The following IPO8 variants were observed in gnomAD, a reference collection of about 807,000 sequenced individuals.
IPO8 encodes the protein importin 8, also known as importin-8.
A neutral mutation model predicts 141.2 loss-of-function variants in IPO8; 65 were observed. The ratio of observed to expected loss-of-function variants is 0.46; its 90% CI spans 0.38 to 0.57. IPO8 has a LOEUF of 0.57. Ranked by LOEUF, IPO8 falls within the 20% of genes least tolerant of loss-of-function variation. The pLI, the probability that IPO8 is intolerant of heterozygous loss-of-function variation, is 0.00. For synonymous variants in IPO8, 411 were observed against 420.3 expected (o/e 0.98, Z 0.27); for missense variants, 980 against 1,246.8 (o/e 0.79, Z 3.22).
In IPO8 at chr12:30,695,254, G is replaced by C; in HGVS notation, c.84+310C>G. ...ACTTAAGGAAAATAAATCACACCCT[G>C]AAAACACTAGCACAGGTTGCAAAAA... On this transcript the variant is annotated intron_variant, in intron 1 of 24. Transcript: ENST00000256079. This position sits in a 1 kb window ranked among gnomAD's most constrained non-coding sequence, Gnocchi z 4.2. 1 of 519,848 alleles carries C rather than the reference G, an allele frequency of 1.9e-6. No individual in the cohort carries two copies. Among genetic ancestry groups the C allele is most frequent in the South Asian group, 2.1e-5 (1 of 48,050 alleles). 32.2% of individuals were successfully genotyped at this position (519,848 alleles called of 1,614,324 possible). A position where few individuals can be genotyped will look rare whatever the true frequency, so the allele number is the denominator to read the frequency against.
At chr12:30,652,897 A>C in intron 18 of IPO8, 70 bp downstream of exon 18, 1 of 1,337,954 alleles carries the variant, frequency 7.5e-7, no homozygotes, top group Non-Finnish European at 1.0e-6. Flanking sequence ...ATGTGTTTTT[A>C]TTTCAGGTGT....
intron 8 of IPO8, among the ~76,000 whole-genome samples, chr12:30,673,017 G>T (rs1478240408): frequency 6.6e-6 from 1 of 152,040 alleles, no homozygotes; most frequent in Non-Finnish European, 1.5e-5. Flanking sequence ...AGCACTTTGG[G>T]AATCCAAGTT....
rs775357381 is a variant in IPO8 at position 30,695,368 on chromosome 12, G to A, written c.84+196C>T. ...GTGCAAAGGTGGCCAACAGGTGCGCGAGCTGTTCGGCAAAGATCCTGGGAG... is the reference window on the plus strand; with the variant it reads ...GTGCAAAGGTGGCCAACAGGTGCGCAAGCTGTTCGGCAAAGATCCTGGGAG... On this transcript the variant is annotated intron_variant, in intron 1 of 24. Transcript: ENST00000256079. This position sits in a 1 kb window ranked among gnomAD's most constrained non-coding sequence, Gnocchi z 4.2. Among the ~76,000 whole-genome samples, 8 of 152,208 alleles carry A rather than the reference G, an allele frequency of 5.3e-5. No homozygotes were observed. Among genetic ancestry groups the A allele is most frequent in the Non-Finnish European group, 8.8e-5 (6 of 68,030 alleles).
chr12:30,634,020 G>A, intron 23 of IPO8, 63 bp downstream of exon 23: 2 of 1,444,580 alleles, frequency 1.4e-6, no homozygotes, highest in Non-Finnish European at 1.9e-6. Flanking sequence ...ATCAAAACAG[G>A]AAGAAATGAA....
chr12:30,637,776 T>C (rs1254706152), intron 21 of IPO8, among the ~76,000 whole-genome samples: 1 of 152,154 alleles, frequency 6.6e-6, no homozygotes, highest in Non-Finnish European at 1.5e-5. Context: ...CAGTAAACAT[T>C]AGACATTTTT....
chr12:30,633,307 G>A (rs2136122403), intron 23 of IPO8, among the ~76,000 whole-genome samples: 1 of 152,226 alleles, frequency 6.6e-6, no homozygotes, highest in South Asian at 2.1e-4. Flanking sequence ...AAAAACATTG[G>A]AAACAATCTT....
At chr12:30,644,204 C>T (rs1297751367) in intron 20 of IPO8, among the ~76,000 whole-genome samples, 7 of 151,776 alleles carry the variant, frequency 4.6e-5, no homozygotes, top group Non-Finnish European at 1.0e-4. Flanking sequence ...CTCATCTTTA[C>T]AAAAAATTTG....
In IPO8 at chr12:30,677,385, T is replaced by C. The variant is rs1253209773; in HGVS notation, c.640-798A>G. 8.9e-6 allele frequency: 3 copies of C among 338,702 alleles called. No homozygotes were observed. The Admixed American group carries it at 1.2e-4, about 14-fold the overall frequency. The allele number at this position is 338,702 out of a possible 1,614,324, so 21.0% of individuals were successfully genotyped here. A position where few individuals can be genotyped will look rare whatever the true frequency, so the allele number is the denominator to read the frequency against. On this transcript the variant is annotated intron_variant, in intron 5 of 24. Transcript: ENST00000256079. ...CAAACCTACTGAATTGCCAGCTGTA[T>C]AAAGTATAGCAATTTTATACAGTAC...
chr12:30,668,059 AAG>A (rs57185367), intron 10 of IPO8, among the ~76,000 whole-genome samples: 75,095 of 149,430 alleles, frequency 0.5, 18,767 homozygotes, highest in African/African-American at 0.53. Flanking sequence ...GAACAAAAAA[AAG>A]AGAGAGAGAG....
intron 20 of IPO8, among the ~76,000 whole-genome samples, chr12:30,644,166 G>C (rs1232342008): frequency 6.6e-6 from 1 of 151,648 alleles, no homozygotes; most frequent in Non-Finnish European, 1.5e-5. Context: ...CCAGGAGTTA[G>C]AGAGCGGCCA....
rs953539762 is a variant in IPO8, at chr12:30,630,322, G to C, written c.*538C>G. ...CAGCAGGGTGAGCAGAGGGAGCCGT[G>C]AAGATTTTGAAACCAGAGTGACTTG... On this transcript the variant is annotated 3_prime_UTR_variant, in exon 25 of 25. Coordinates refer to ENST00000256079, the MANE Select transcript of IPO8 (RefSeq NM_006390.4). 1 of 152,222 alleles carries C rather than the reference G, an allele frequency of 6.6e-6. No homozygotes were observed. 9.4% of individuals were successfully genotyped at this position (152,222 alleles called of 1,614,324 possible).
chr12:30,683,942 T>C (rs978845546), intron 3 of IPO8, among the ~76,000 whole-genome samples: 14 of 152,100 alleles, frequency 9.2e-5, no homozygotes, highest in Admixed American at 9.2e-4. Flanking sequence ...AGAATCAGTC[T>C]CTCTGTATCA....
At chr12:30,691,895 A>G (rs943927327) in intron 1 of IPO8, among the ~76,000 whole-genome samples, 3 of 152,146 alleles carry the variant, frequency 2.0e-5, no homozygotes, top group Non-Finnish European at 4.4e-5. Flanking sequence ...TTGAATTATA[A>G]TTTTCTTCCT....
intron 18 of IPO8, among the ~76,000 whole-genome samples, chr12:30,652,581 C>G (rs550890511): frequency 1.3e-5 from 2 of 152,024 alleles, no homozygotes; most frequent in African/African-American, 4.8e-5. Context: ...CATTTGTCTG[C>G]GTGATTCCCT....
At chr12:30,680,042 T>A (rs2053168142) in intron 5 of IPO8, among the ~76,000 whole-genome samples, 1 of 152,212 alleles carries the variant, frequency 6.6e-6, no homozygotes, top group Admixed American at 6.5e-5. Context: ...AAATCCTCTG[T>A]TAGCTTTGAG....
At chr12:30,633,670 C>T (rs574083800) in intron 23 of IPO8, among the ~76,000 whole-genome samples, 6 of 152,186 alleles carry the variant, frequency 3.9e-5, no homozygotes, top group Non-Finnish European at 7.3e-5. Flanking sequence ...CACCCTCTTA[C>T]GGCAGCAATT....
chr12:30,672,822 T>C (rs1222790917), intron 8 of IPO8, among the ~76,000 whole-genome samples: 2 of 152,166 alleles, frequency 1.3e-5, no homozygotes, highest in Non-Finnish European at 2.9e-5. Flanking sequence ...AACTACAACT[T>C]TCCTGAACTG....
At chr12:30,651,313 C>CA (rs1358298760) in intron 19 of IPO8, among the ~76,000 whole-genome samples, 1 of 152,084 alleles carries the variant, frequency 6.6e-6, no homozygotes, top group Non-Finnish European at 1.5e-5. Context: ...ACTGACTTCC[C>CA]AAAATTTCCC....
At chr12:30,682,170 T>C (rs1302670118) in intron 3 of IPO8, among the ~76,000 whole-genome samples, 1 of 152,178 alleles carries the variant, frequency 6.6e-6, no homozygotes, top group Non-Finnish European at 1.5e-5. Flanking sequence ...TTGGTTACCA[T>C]ATCCTGAATG....
Sources: gnomAD v4.1 joint callset for allele counts (sites outside exome capture counted in the v4.1 genomes callset) on GRCh38, gnomAD v4.1.1 for gene constraint, Gnocchi (gnomAD v3.1) non-coding constraint, MANE v1.5 for transcripts, NCBI Gene and HGNC (gene_info 2026-07-23, HGNC 2026-07-21) for gene names.